Variants in SLC36A3 observed in about 807,000 individuals in gnomAD.
SLC36A3 encodes the protein solute carrier family 36 member 3.
In SLC36A3, 35 loss-of-function variants were observed where a neutral mutation model predicts 44.3. That is an observed-to-expected ratio of 0.79 (90% CI 0.60 to 1.05). SLC36A3 has a LOEUF of 1.05. Ranked by LOEUF, SLC36A3 falls within the 50% of genes least tolerant of loss-of-function variation. SLC36A3 has a pLI of 0.00. For synonymous variants in SLC36A3, 211 were observed against 227.6 expected, an observed-to-expected ratio of 0.93 and a Z score of 0.66; for missense variants, 540 against 578.7, an observed-to-expected ratio of 0.93 and a Z score of 0.69.
At chr5:151,288,652 ACC>A (rs34795028) in intron 4 of SLC36A3, among the ~76,000 whole-genome samples, 182 bp from the exon 5 acceptor site, 24,072 of 151,792 alleles carry the variant, frequency 0.16, 2,459 homozygotes, top group East Asian at 0.29. Context: ...ACATCCATGT[ACC>A]CTTTAACTAA....
At chr5:151,287,700 A>G (rs2127261428) in intron 5 of SLC36A3, among the ~76,000 whole-genome samples, 1 of 152,316 alleles carries the variant, frequency 6.6e-6, no homozygotes, top group South Asian at 2.1e-4. Flanking sequence ...GATTGTGACA[A>G]CCAGAAACCC....
At chr5:151,287,142 G>T in intron 6 of SLC36A3, 104 bp downstream of exon 6, 1 of 1,168,458 alleles carries the variant, frequency 8.6e-7, no homozygotes, top group Non-Finnish European at 1.2e-6. Context: ...TCAGAGCAGA[G>T]GATCACCTTC....
At chr5:151,300,104 G>A (rs998100034) in intron 1 of SLC36A3, among the ~76,000 whole-genome samples, 4 of 152,184 alleles carry the variant, frequency 2.6e-5, no homozygotes, top group East Asian at 1.9e-4. Context: ...AGATACAGAC[G>A]AAGTCTCAGG....
chr5:151,293,484 A>G (rs779819948), intron 3 of SLC36A3, 25 bp from the exon 4 acceptor site: 2 of 1,575,674 alleles, frequency 1.3e-6, no homozygotes, highest in Non-Finnish European at 1.7e-6. Flanking sequence ...CAAACAATGC[A>G]TAATTTAAAA....
Position 151,284,129 on chromosome 5 carries a change from G to C in SLC36A3, c.889C>G (p.Leu297Val). The change falls in exon 8 of 10, where the codon CTC becomes GTC. Residue 297 changes from leucine (L) to valine (V), a missense_variant. Transcript: ENST00000335230. ...LYLGMSIVIILYILLGTLGYM... is the reference protein window; with the variant it reads ...LYLGMSIVIIVYILLGTLGYM... ...CCCAGTGTCCCCAGTAAGATATAGAGGATGATGACAATGGACATCCCCAAG... is the reference window on the plus strand; with the variant it reads ...CCCAGTGTCCCCAGTAAGATATAGACGATGATGACAATGGACATCCCCAAG... The C allele has an allele frequency of 6.2e-7, 1 of 1,614,066 alleles. No homozygotes were observed. Among genetic ancestry groups the C allele is most frequent in the Non-Finnish European group, 8.5e-7 (1 of 1,180,010 alleles).
At position 151,280,887 on chromosome 5, in the gene SLC36A3, A is replaced by G. The variant is rs1754283202; in HGVS notation, c.1144+127T>C. 1.4e-5 allele frequency: 15 copies of G among 1,070,120 alleles called. No individual in the cohort carries two copies. The South Asian group carries it at 2.0e-4, about 14-fold the overall frequency. 66.3% of individuals were successfully genotyped at this position (1,070,120 alleles called of 1,614,324 possible). ...TTTTCACGTGGAAAAATTGAGGTCC[A>G]GGGAGGTGAAATATCCCACCCTAGG... On this transcript the variant is annotated intron_variant, in intron 9 of 9. Transcript: ENST00000335230.
intron 4 of SLC36A3, among the ~76,000 whole-genome samples, chr5:151,289,798 T>C (rs1158256127): frequency 6.6e-6 from 1 of 152,178 alleles, no homozygotes; most frequent in Non-Finnish European, 1.5e-5. Context: ...TTCATCATAT[T>C]GGGAGGCACA....
At chr5:151,291,832 T>C (rs1333094471) in intron 4 of SLC36A3, among the ~76,000 whole-genome samples, 1 of 152,164 alleles carries the variant, frequency 6.6e-6, no homozygotes, top group Non-Finnish European at 1.5e-5. Flanking sequence ...TTAATGACCA[T>C]TGCCTCCATG....
At chr5:151,299,926 A>C (rs1755113452) in intron 1 of SLC36A3, among the ~76,000 whole-genome samples, 1 of 152,188 alleles carries the variant, frequency 6.6e-6, no homozygotes, top group Non-Finnish European at 1.5e-5. Context: ...CATCATCCTC[A>C]CTGCCACCTT....
Position 151,281,051 on chromosome 5 carries a change from T to C in SLC36A3, c.1107A>G (p.Val369=). 1 of 1,614,190 alleles carries C rather than the reference T, an allele frequency of 6.2e-7. No individual in the cohort carries two copies. The highest frequency in any genetic ancestry group is 8.5e-7 in the Non-Finnish European group (1 of 1,180,032). Residue 369 remains valine, a synonymous_variant, in exon 9 of 10, where the codon GTA becomes GTG. Transcript: ENST00000335230. ...CCAAGGCTGAGCGGACAGACAGGTC[T>C]ACAAACAGTGCCCAGCTCTCTGACA... ...SQVSESWALF[V]DLSVRSALVC...
At chr5:151,283,881 C>T (rs879777772) in intron 8 of SLC36A3, among the ~76,000 whole-genome samples, 163 bp downstream of exon 8, 11 of 152,226 alleles carry the variant, frequency 7.2e-5, no homozygotes, top group South Asian at 2.1e-4. Context: ...GAGGTGCGGC[C>T]ATGTGGCTTG....
At chr5:151,285,898 T>C (rs1264693597) in intron 6 of SLC36A3, among the ~76,000 whole-genome samples, 1 of 152,110 alleles carries the variant, frequency 6.6e-6, no homozygotes, top group Non-Finnish European at 1.5e-5. Context: ...TCCCCTGGAA[T>C]CCAGAAAGGA....
chr5:151,287,255 A>G lies in SLC36A3; in HGVS notation c.699T>C (p.Tyr233=), dbSNP rs1321278816. The stretch of plus-strand genomic sequence containing the variant: ...TCCCTATGGCACAGACCTCCATGAT[A>G]TACTCAAAGATCAGAGCCATGCTCC... ...TLGSMALIFE[Y]IMEGIPYPSN... is the part of the protein sequence containing the mutation. The change falls in exon 6 of 10, where the codon TAT becomes TAC. Residue 233 remains tyrosine (Y), a synonymous_variant. Transcript: ENST00000335230. The G allele has an allele frequency of 1.9e-6, 3 of 1,614,096 alleles. No individual in the cohort carries two copies. Among genetic ancestry groups the G allele is most frequent in the East Asian group, 2.2e-5 (1 of 44,878 alleles).
intron 6 of SLC36A3, among the ~76,000 whole-genome samples, chr5:151,286,381 C>T (rs538364299): frequency 4.5e-4 from 69 of 152,320 alleles, no homozygotes; most frequent in Admixed American, 1.8e-3. Context: ...TAGCCTTGAC[C>T]TCATGGGCTC....
At chr5:151,281,745 G>A (rs945791611) in intron 8 of SLC36A3, among the ~76,000 whole-genome samples, 5 of 151,256 alleles carry the variant, frequency 3.3e-5, no homozygotes, top group African/African-American at 1.2e-4. Flanking sequence ...TTGAACCCAG[G>A]AGGTGGAGGT....
At position 151,277,622 on chromosome 5, in the gene SLC36A3, A is replaced by T. The variant is rs556969662; in HGVS notation, c.1184T>A (p.Ile395Asn). ...GCTGCTCACGGAGCCTACCAGGGAG[A>T]TGACCAAGTCCAGGCGGGGGATGAG... is the stretch of plus-strand genomic sequence containing the variant. Reference protein sequence around the residue: ...AILIPRLDLVISLVGSVSSSA... With the variant: ...AILIPRLDLVNSLVGSVSSSA... The change falls in exon 10 of 10, where the codon ATC (isoleucine) becomes AAC (asparagine). Residue 395 changes from isoleucine to asparagine, a missense_variant. By Grantham distance (149) the Ile-to-Asn change is moderately radical. Transcript: ENST00000335230. 1 of 1,614,026 alleles carries T rather than the reference A, an allele frequency of 6.2e-7. No individual in the cohort carries two copies. Among genetic ancestry groups the T allele is most frequent in the African/African-American group, 1.3e-5 (1 of 74,922 alleles).
At chr5:151,298,336 G>T in intron 2 of SLC36A3, 1 of 442,770 alleles carries the variant, frequency 2.3e-6, no homozygotes. Flanking sequence ...CCTAGGAGTG[G>T]GGAGGACTGC....
intron 8 of SLC36A3, among the ~76,000 whole-genome samples, chr5:151,282,141 A>G (rs1474234158): frequency 1.3e-4 from 6 of 45,642 alleles, no homozygotes; most frequent in African/African-American, 5.1e-4. Flanking sequence ...TTTTTTTGAG[A>G]CGGAGTTTCG....
intron 3 of SLC36A3, among the ~76,000 whole-genome samples, chr5:151,294,999 A>C (rs1002730174): frequency 6.6e-6 from 1 of 152,252 alleles, no homozygotes; most frequent in African/African-American, 2.4e-5. Flanking sequence ...ACTGAAGGCC[A>C]TAGCCAACTC....
Sources: gnomAD v4.1 joint callset for allele counts (sites outside exome capture counted in the v4.1 genomes callset) on GRCh38, gnomAD v4.1.1 for gene constraint, MANE v1.5 for transcripts, NCBI Gene and HGNC (gene_info 2026-07-23, HGNC 2026-07-21) for gene names.